Variants in CRTC1 observed in about 807,000 individuals in gnomAD.
CRTC1 encodes CREB regulated transcription coactivator 1, also known as CREB-regulated transcription coactivator 1.
In CRTC1, 18 loss-of-function variants were observed where a neutral mutation model predicts 66.1. The ratio of observed to expected loss-of-function variants is 0.27; its 90% confidence interval spans 0.19 to 0.40. The LOEUF (loss-of-function observed/expected upper bound fraction) is 0.40. CRTC1 is among the 10% of genes least tolerant of loss of function. CRTC1 has a pLI of 1.00. For missense variants in CRTC1, 669 were observed against 887.9 expected, an observed-to-expected ratio of 0.75 and a Z score of 3.13; for synonymous variants, 416 against 398.8, an observed-to-expected ratio of 1.04 and a Z score of -0.51.
intron 1 of CRTC1, among the ~76,000 whole-genome samples, chr19:18,696,001 T>C (rs949469906): frequency 3.3e-5 from 5 of 152,068 alleles, no homozygotes; most frequent in Non-Finnish European, 7.4e-5. Flanking sequence ...GCCGGGAGCA[T>C]GCAGGTGCAG....
intron 1 of CRTC1, among the ~76,000 whole-genome samples, chr19:18,697,961 A>T (rs1193103993): frequency 6.6e-6 from 1 of 152,170 alleles, no homozygotes; most frequent in Non-Finnish European, 1.5e-5. Flanking sequence ...GTGTGTACTC[A>T]GCTGGTGTTC....
In CRTC1 at chr19:18,779,457, C is replaced by CTTT. The variant is rs538414217; in HGVS notation, c.*2087_*2089dup. 4.7e-5 allele frequency: 9 copies of CTTT among 189,832 alleles called. No individual in the cohort carries two copies. Among genetic ancestry groups the CTTT allele is most frequent in the Non-Finnish European group, 8.5e-5 (8 of 94,464 alleles). 11.8% of individuals were successfully genotyped at this position (189,832 alleles called of 1,614,324 possible). ...AGAGGCTGGGGGCAGACAGCGGGGA[C>CTTT]TTTTTTTTTTTTTTAAGAAAAACTA... On this transcript the variant is annotated 3_prime_UTR_variant, in exon 14 of 14. Transcript: ENST00000321949.
chr19:18,753,691 A>G, intron 6 of CRTC1, 106 bp downstream of exon 6: 1 of 739,328 alleles, frequency 1.4e-6, no homozygotes. Flanking sequence ...CACCTTCCCA[A>G]GACAGGGAAC....
At chr19:18,757,430 G>C (rs2054514200) in intron 6 of CRTC1, among the ~76,000 whole-genome samples, 1 of 152,212 alleles carries the variant, frequency 6.6e-6, no homozygotes, top group South Asian at 2.1e-4. Flanking sequence ...ACCGGCCTCT[G>C]TCTGTGAGCG....
rs529535149 is a variant in CRTC1 at position 18,704,547 on chromosome 19, A to T, written c.126+20719A>T. Reference sequence around the variant, plus strand: ...GTCAACATGTTGAAACCCCGTCTCTATTAAAAATACAAAAATTAGCTGGGT... The same window carrying T: ...GTCAACATGTTGAAACCCCGTCTCTTTTAAAAATACAAAAATTAGCTGGGT... On this transcript the variant is annotated intron_variant, in intron 1 of 13. Transcript: ENST00000321949. Among the ~76,000 whole-genome samples, 9 of 152,296 alleles carry T rather than the reference A, an allele frequency of 5.9e-5. No homozygotes were observed. The South Asian group carries it at 1.5e-3, about 25-fold the overall frequency.
intron 10 of CRTC1, among the ~76,000 whole-genome samples, chr19:18,770,339 A>G (rs2054833637): frequency 6.6e-6 from 1 of 152,248 alleles, no homozygotes; most frequent in African/African-American, 2.4e-5. Flanking sequence ...CTCAGATGGC[A>G]TAACCCAGGC....
Position 18,777,086 on chromosome 19 carries a change from C to T in CRTC1, c.1694-85C>T, listed in dbSNP as rs920487107. ...AGCATACCCAGGGGACAGAGTCGCC[C>T]GGCGGGCATGCCTGGTCCGACACAT... On this transcript the variant is annotated intron_variant, in intron 13 of 13. Transcript: ENST00000321949. This position sits in a 1 kb window ranked among gnomAD's most constrained non-coding sequence, Gnocchi z 5.5. 2.6e-5 allele frequency: 20 copies of T among 774,970 alleles called. No individual in the cohort carries two copies. Among genetic ancestry groups the T allele is most frequent in the East Asian group, 7.5e-5 (3 of 40,146 alleles). The allele number at this position is 774,970 out of a possible 1,614,324, so 48.0% of individuals were successfully genotyped here. A position where few individuals can be genotyped will look rare whatever the true frequency, so the allele number is the denominator to read the frequency against.
chr19:18,781,510 C>T lies in CRTC1; in HGVS notation c.*4128C>T, dbSNP rs756592777. On this transcript the variant is annotated 3_prime_UTR_variant, in exon 14 of 14. Coordinates refer to ENST00000321949, the MANE Select transcript of CRTC1 (RefSeq NM_015321.3). ...AGGGGTCAGGCACCCCATACTCTTC[C>T]GTGTGGCACAGGTGTCCACCCACCC... The T allele has an allele frequency of 5.0e-4, 115 of 229,382 alleles. No individual in the cohort carries two copies. The highest frequency in any genetic ancestry group is 1.3e-3 in the Middle Eastern group (1 of 762). The allele number at this position is 229,382 out of a possible 1,614,324, so 14.2% of individuals were successfully genotyped here.
intron 3 of CRTC1, 104 bp downstream of exon 3, chr19:18,746,064 T>C: frequency 7.0e-7 from 1 of 1,436,082 alleles, no homozygotes; most frequent in Non-Finnish European, 9.4e-7. Context: ...TGCTTCCAGC[T>C]CTGGGGACAG....
chr19:18,774,409 T>G (rs970752973), intron 11 of CRTC1, among the ~76,000 whole-genome samples: 1 of 152,210 alleles, frequency 6.6e-6, no homozygotes, highest in African/African-American at 2.4e-5. Flanking sequence ...TGTCCTGTGC[T>G]CTCTCAGCTG....
At chr19:18,716,315 C>T (rs577342848) in intron 1 of CRTC1, among the ~76,000 whole-genome samples, 2 of 152,010 alleles carry the variant, frequency 1.3e-5, no homozygotes, top group East Asian at 1.9e-4. Flanking sequence ...TGCAGTGGCA[C>T]GATCTCAGCT....
Position 18,760,294 on chromosome 19 carries a change from G to A in CRTC1, c.886+66G>A. ...TGTGGAGACAACACGGGCATCTGCA[G>A]GATGACTTGGCAGAGTCCCGTTCCA... On this transcript the variant is annotated intron_variant, in intron 8 of 13. Coordinates refer to ENST00000321949, the MANE Select transcript of CRTC1 (RefSeq NM_015321.3). This position sits in a 1 kb window ranked among gnomAD's most constrained non-coding sequence, Gnocchi z 6.2. 2 of 1,323,690 alleles carry A rather than the reference G, an allele frequency of 1.5e-6. No individual in the cohort carries two copies. The highest frequency in any genetic ancestry group is 2.1e-4 in the Middle Eastern group (1 of 4,722). 82.0% of individuals were successfully genotyped at this position (1,323,690 alleles called of 1,614,324 possible).
In CRTC1 at chr19:18,779,457, CT is replaced by C. The variant is rs538414217; in HGVS notation, c.*2089del. 10,442 of 180,028 alleles carry C rather than the reference CT, an allele frequency of 0.058. 1 individual carries two copies. Among genetic ancestry groups the C allele is most frequent in the East Asian group, 0.15 (1,559 of 10,652 alleles). The allele number at this position is 180,028 out of a possible 1,614,324, so 11.2% of individuals were successfully genotyped here. A position where few individuals can be genotyped will look rare whatever the true frequency, so the allele number is the denominator to read the frequency against. The stretch of plus-strand genomic sequence containing the variant: ...AGAGGCTGGGGGCAGACAGCGGGGA[CT>C]TTTTTTTTTTTTTAAGAAAAACTAC... On this transcript the variant is annotated 3_prime_UTR_variant, in exon 14 of 14. Transcript: ENST00000321949.
chr19:18,758,612 G>A (rs762942981), intron 6 of CRTC1, among the ~76,000 whole-genome samples: 2 of 152,164 alleles, frequency 1.3e-5, no homozygotes, highest in Non-Finnish European at 2.9e-5. Context: ...GACGTCTCGG[G>A]ACTCTCAGGA....
rs143888987 is a variant in CRTC1, at chr19:18,723,914, C to T, written c.127-18996C>T. ...CACCGTCATCTCAGTTGTCCCCGTG[C>T]GCTTGGAGCCTCCGGGAGGGAGGAT... On this transcript the variant is annotated intron_variant, in intron 1 of 13. Transcript: ENST00000321949. 4.3e-3 allele frequency among the ~76,000 whole-genome samples: 661 copies of T among 152,308 alleles called. 6 individuals carry two copies. Among genetic ancestry groups the T allele is most frequent in the African/African-American group, 0.014 (602 of 41,568 alleles).
intron 9 of CRTC1, among the ~76,000 whole-genome samples, chr19:18,766,025 AC>A (rs2054727081): frequency 6.6e-6 from 1 of 151,314 alleles, no homozygotes; most frequent in Non-Finnish European, 1.5e-5. Context: ...TTGCTTGTCT[AC>A]TTTTTTGGGT....
intron 8 of CRTC1, among the ~76,000 whole-genome samples, chr19:18,764,080 C>T (rs535571066): frequency 3.0e-4 from 45 of 152,284 alleles, no homozygotes; most frequent in African/African-American, 1.0e-3. Flanking sequence ...CCAGGGCATC[C>T]GAGGGGAAGT....
chr19:18,717,318 G>A (rs1046116495), intron 1 of CRTC1, among the ~76,000 whole-genome samples: 2 of 152,086 alleles, frequency 1.3e-5, no homozygotes, highest in Non-Finnish European at 2.9e-5. Flanking sequence ...GTGGGAGCCA[G>A]GACTGGGTCT....
In CRTC1 at chr19:18,773,286, C is replaced by A. The variant is rs1248518902; in HGVS notation, c.1426-1614C>A. ...GGTCCCACAGGCCCAGACCACCCCA[C>A]ACCTGCTGTGTCCTGCCTTGAGTAG... is the stretch of plus-strand genomic sequence containing the variant. On this transcript the variant is annotated intron_variant, in intron 11 of 13. Coordinates refer to ENST00000321949, the MANE Select transcript of CRTC1 (RefSeq NM_015321.3). Among the ~76,000 whole-genome samples, 4 of 152,172 alleles carry A rather than the reference C, an allele frequency of 2.6e-5. No individual in the cohort carries two copies. In the East Asian group the frequency reaches 7.7e-4, roughly 29 times the overall value.
Sources: gnomAD v4.1 joint callset for allele counts (sites outside exome capture counted in the v4.1 genomes callset) on GRCh38, gnomAD v4.1.1 for gene constraint, Gnocchi (gnomAD v3.1) non-coding constraint, MANE v1.5 for transcripts, NCBI Gene and HGNC (gene_info 2026-07-23, HGNC 2026-07-21) for gene names.